Variants in VAV2 observed in about 807,000 individuals in gnomAD.
The protein encoded by VAV2 is vav guanine nucleotide exchange factor 2.
Under a neutral mutation model 132.5 loss-of-function variants are expected in VAV2, and 67 were observed. That is an observed-to-expected ratio of 0.51 (90% CI 0.42 to 0.62). The LOEUF is 0.62. VAV2 is among the 20% of genes least tolerant of loss of function. The pLI is 0.00. For synonymous variants in VAV2, 492 were observed against 443.5 expected (o/e 1.11, Z -1.37); for missense variants, 938 against 1,153.6 (o/e 0.81, Z 2.71).
Position 133,867,145 on chromosome 9 carries a change from T to C in VAV2, c.322-5713A>G, listed in dbSNP as rs570220726. On this transcript the variant is annotated intron_variant, in intron 2 of 29. Transcript: ENST00000371850. ...GACACGGCCATGGGTCTGCTGAGGG[T>C]CCCGGCGCTCCCTGCAGAGCCGGGG... Among the ~76,000 whole-genome samples, 4 of 152,044 alleles carry C rather than the reference T, an allele frequency of 2.6e-5. No homozygotes were observed. In the South Asian group the frequency reaches 8.3e-4, roughly 32 times the overall value.
intron 19 of VAV2, among the ~76,000 whole-genome samples, chr9:133,782,010 T>TG (rs1250949609): frequency 6.6e-6 from 1 of 151,900 alleles, no homozygotes; most frequent in African/African-American, 2.4e-5. Flanking sequence ...TGGCTTTGCC[T>TG]GGGGATAGGA....
rs528690841 is a variant in VAV2 at position 133,982,212 on chromosome 9, G to A, written c.204+9863C>T. On this transcript the variant is annotated intron_variant, in intron 1 of 29. Transcript: ENST00000371850. ...CTGAACTGGGAGGCACAGGAAGGTGGCCAGTGTGCCTGAGGCTGGGGCACC... is the reference window on the plus strand; with the variant it reads ...CTGAACTGGGAGGCACAGGAAGGTGACCAGTGTGCCTGAGGCTGGGGCACC... 5.3e-5 allele frequency among the ~76,000 whole-genome samples: 8 copies of A among 152,314 alleles called. No individual in the cohort carries two copies. In the South Asian group the frequency reaches 1.7e-3, roughly 32 times the overall value.
intron 1 of VAV2, among the ~76,000 whole-genome samples, chr9:133,980,405 G>A (rs765910048): frequency 6.6e-6 from 1 of 152,186 alleles, no homozygotes; most frequent in Non-Finnish European, 1.5e-5. Flanking sequence ...CCAGTGCTGG[G>A]CGGTCCTGAA....
chr9:133,871,432 G>A (rs1588294596), intron 2 of VAV2, among the ~76,000 whole-genome samples: 2 of 148,072 alleles, frequency 1.4e-5, no homozygotes, highest in African/African-American at 5.1e-5. Context: ...ACAGATGGAT[G>A]GATTGATTGA....
rs1842082766 is a variant in VAV2, at chr9:133,964,447, T to C, written c.205-25228A>G. On this transcript the variant is annotated intron_variant, in intron 1 of 29. Transcript: ENST00000371850. ...AATACACATATTTATGTATATAACA[T>C]ATATAATTTTGCATGCGTATGCTTT... Among the ~76,000 whole-genome samples the C allele has an allele frequency of 2.0e-5, 3 of 152,108 alleles. No individual in the cohort carries two copies. In the South Asian group the frequency reaches 6.2e-4, roughly 31 times the overall value.
At chr9:133,914,053 A>G (rs1839972947) in intron 2 of VAV2, among the ~76,000 whole-genome samples, 1 of 152,334 alleles carries the variant, frequency 6.6e-6, no homozygotes, top group African/African-American at 2.4e-5. Flanking sequence ...GCAACCAAAG[A>G]CGATGCTCAC....
intron 2 of VAV2, among the ~76,000 whole-genome samples, chr9:133,878,422 CA>C (rs1838352390): frequency 1.3e-5 from 2 of 152,356 alleles, no homozygotes; most frequent in Admixed American, 6.5e-5. Flanking sequence ...CATCCATCCC[CA>C]GCCAGGTGGC....
intron 12 of VAV2, among the ~76,000 whole-genome samples, chr9:133,795,282 T>C (rs114142746): frequency 0.04 from 6,152 of 152,078 alleles, 141 homozygotes; most frequent in Middle Eastern, 0.088. Context: ...CCCAGGCAGG[T>C]AGCTGAGAGA....
chr9:133,795,698 C>T lies in VAV2; in HGVS notation c.1071G>A (p.Gln357=). 1 of 1,614,188 alleles carries T rather than the reference C, an allele frequency of 6.2e-7. No individual in the cohort carries two copies. The highest frequency in any genetic ancestry group is 8.5e-7 in the Non-Finnish European group (1 of 1,180,000). Residue 357 remains glutamine (Q), a synonymous_variant, in exon 12 of 30, where the codon CAG becomes CAA. Coordinates refer to ENST00000371850, the MANE Select transcript of VAV2 (RefSeq NM_001134398.2). Reference sequence around the variant, plus strand: ...TGGCTTCCAGTGCTTCTTTGAGCTGCTGCCTCTCAGGCCGTTCCGCAGAAT... The same window carrying T: ...TGGCTTCCAGTGCTTCTTTGAGCTGTTGCCTCTCAGGCCGTTCCGCAGAAT... ...LSHSAERPER[Q]QLKEALEAMQ... is the part of the protein sequence containing the mutation.
At chr9:133,841,777 A>G (rs948280238) in intron 3 of VAV2, among the ~76,000 whole-genome samples, 1 of 152,176 alleles carries the variant, frequency 6.6e-6, no homozygotes, top group African/African-American at 2.4e-5. Context: ...CAACTGCAGA[A>G]TGGGGGCCGG....
chr9:133,784,504 C>A, intron 17 of VAV2, 86 bp from the exon 18 acceptor site: 1 of 1,445,932 alleles, frequency 6.9e-7, no homozygotes, highest in South Asian at 1.1e-5. Flanking sequence ...CAGCTGGGCT[C>A]CGGACCCAGG....
intron 16 of VAV2, 52 bp downstream of exon 16, chr9:133,787,194 C>A: frequency 1.3e-6 from 2 of 1,517,918 alleles, no homozygotes; most frequent in Non-Finnish European, 8.9e-7. Context: ...AGTGCCAGCA[C>A]CAGGCTGGGA....
chr9:133,866,910 T>C (rs1386283844), intron 2 of VAV2, among the ~76,000 whole-genome samples: 1 of 151,788 alleles, frequency 6.6e-6, no homozygotes, highest in Non-Finnish European at 1.5e-5. Context: ...CGTGGGGCAG[T>C]GACATGGAAG....
chr9:133,868,533 C>T (rs1296827553), intron 2 of VAV2, among the ~76,000 whole-genome samples: 2 of 152,178 alleles, frequency 1.3e-5, no homozygotes, highest in East Asian at 1.9e-4. Flanking sequence ...GCACAGCTTG[C>T]GGAAAGGGGA....
At chr9:133,820,594 G>T (rs964723517) in intron 4 of VAV2, among the ~76,000 whole-genome samples, 1 of 152,086 alleles carries the variant, frequency 6.6e-6, no homozygotes, top group African/African-American at 2.4e-5. Context: ...CAAAGTGCTG[G>T]GATTACAGGC....
intron 19 of VAV2, among the ~76,000 whole-genome samples, chr9:133,781,288 C>A (rs1302357680): frequency 6.6e-6 from 1 of 152,214 alleles, no homozygotes; most frequent in Non-Finnish European, 1.5e-5. Context: ...GTTCCCAAGG[C>A]CCTTTAGGGC....
rs1222420682 is a variant in VAV2 at position 133,879,532 on chromosome 9, A to T, written c.322-18100T>A. ...CTCCTATAAGAAGGCATCGATCAGT[A>T]GGTGGCCCCGGGGCACTGCCACAGC... On this transcript the variant is annotated intron_variant, in intron 2 of 29. Coordinates refer to ENST00000371850, the MANE Select transcript of VAV2 (RefSeq NM_001134398.2). The surrounding 1 kb of genome is among the most constrained non-coding windows in gnomAD (Gnocchi z 4.4). Among the ~76,000 whole-genome samples, 1 of 152,182 alleles carries T rather than the reference A, an allele frequency of 6.6e-6. No individual in the cohort carries two copies. The highest frequency in any genetic ancestry group is 2.4e-5 in the African/African-American group (1 of 41,442).
At chr9:133,771,895 C>A in intron 26 of VAV2, 64 bp downstream of exon 26, 1 of 1,458,886 alleles carries the variant, frequency 6.9e-7, no homozygotes, top group Non-Finnish European at 9.6e-7. Flanking sequence ...TCGCTCAGGG[C>A]CGGGAGGAAG....
At chr9:133,831,227 G>A (rs1836249711) in intron 4 of VAV2, among the ~76,000 whole-genome samples, 1 of 152,148 alleles carries the variant, frequency 6.6e-6, no homozygotes, top group South Asian at 2.1e-4. Flanking sequence ...CCTGAGGTCA[G>A]GAGCCCAAGA....
Sources: allele counts gnomAD v4.1 joint callset (sites outside exome capture counted in the v4.1 genomes callset), GRCh38; gene constraint gnomAD v4.1.1; non-coding constraint Gnocchi (gnomAD v3.1); transcripts MANE v1.5; gene names NCBI Gene and HGNC (gene_info 2026-07-23, HGNC 2026-07-21).